The following PITPNM2 variants were observed in gnomAD, a reference collection of about 807,000 sequenced individuals.
PITPNM2 encodes the protein membrane-associated phosphatidylinositol transfer protein 2.
Under a neutral mutation model 132.2 loss-of-function variants are expected in PITPNM2, and 35 were observed. The observed-to-expected ratio is 0.26, with a 90% CI of 0.20 to 0.35. The LOEUF (loss-of-function observed/expected upper bound fraction) is 0.35. PITPNM2 is among the 10% of genes least tolerant of loss of function. The pLI is 1.00. For missense variants in PITPNM2, 1,332 were observed against 1,912.0 expected (o/e 0.70, Z 5.66); for synonymous variants, 738 against 799.2 (o/e 0.92, Z 1.29).
At chr12:123,075,712 G>A (rs1022617596) in intron 2 of PITPNM2, 3 of 152,256 alleles carry the variant, frequency 2.0e-5, no homozygotes, top group African/African-American at 7.2e-5. Context: ...CTCCTTTCAA[G>A]TTAAGTCACC....
rs1034642874 is a variant in PITPNM2, at chr12:123,009,810, G to C, written c.643+40C>G. The C allele has an allele frequency of 3.8e-6, 6 of 1,576,956 alleles. No homozygotes were observed. The Admixed American group carries it at 8.3e-5, about 22-fold the overall frequency. ...CAGGTGACAGGAGACAGAGGGGTTG[G>C]GTAGCCCAGCCACTGCCCACCTGGC... On this transcript the variant is annotated intron_variant, in intron 6 of 25. Transcript: ENST00000320201. This position sits in a 1 kb window ranked among gnomAD's most constrained non-coding sequence, Gnocchi z 4.8.
chr12:123,133,988 CATTACTCTGAAAA>C (rs2043322528), intron 1 of PITPNM2, among the ~76,000 whole-genome samples: 1 of 151,960 alleles, frequency 6.6e-6, no homozygotes, highest in Non-Finnish European at 1.5e-5. Context: ...GCCCCAGCCT[CATTACTCTGAAAA>C]ACATAGAGAC....
rs763254063 is a variant in PITPNM2, at chr12:122,987,836, C to T, written c.3063G>A (p.Thr1021=). The change falls in exon 21 of 26, where the codon ACG becomes ACA. Residue 1021 remains threonine, a synonymous_variant. Coordinates refer to ENST00000320201, the MANE Select transcript of PITPNM2 (RefSeq NM_020845.3). ...LANEDGPQVL[T]GRFMYGPLDM... ...CCAGGGGCCCATACATGAACCTGCC[C>T]GTCAGAACCTGGGGGCCGTCCTCAT... 8 of 1,613,842 alleles carry T rather than the reference C, an allele frequency of 5.0e-6. No individual in the cohort carries two copies. Among genetic ancestry groups the T allele is most frequent in the Middle Eastern group, 1.6e-4 (1 of 6,084 alleles).
Position 122,990,655 on chromosome 12 carries a change from G to C in PITPNM2, c.2459C>G (p.Ser820Trp). 6.2e-7 allele frequency: 1 copy of C among 1,611,908 alleles called. No individual in the cohort carries two copies. Among genetic ancestry groups the C allele is most frequent in the Non-Finnish European group, 8.5e-7 (1 of 1,179,942 alleles). ...AAFQEHGAPS[S>W]PGTAPASRGF... ...ACGACTGGCAGGGGCAGTGCCCGGC[G>C]AGGAGGGGGCGCCATGCTCTTGGAA... The change falls in exon 17 of 26, where the codon TCG becomes TGG. Residue 820 changes from serine to tryptophan, a missense_variant. By Grantham distance (177) the Ser-to-Trp change is radical (BLOSUM62 -3). Around this residue, in one of 6 missense-constraint regions of PITPNM2, gnomAD observed 710 missense variants for 911.5 expected, o/e 0.78. Coordinates refer to ENST00000320201, the MANE Select transcript of PITPNM2 (RefSeq NM_020845.3).
chr12:122,989,102 G>A (rs937745040), intron 18 of PITPNM2, among the ~76,000 whole-genome samples: 8 of 152,208 alleles, frequency 5.3e-5, no homozygotes, highest in African/African-American at 1.4e-4. Flanking sequence ...GGGCTCCTGC[G>A]GTTGCGTGGG....
intron 1 of PITPNM2, among the ~76,000 whole-genome samples, chr12:123,143,514 A>C (rs1024002153): frequency 2.0e-5 from 3 of 152,202 alleles, no homozygotes; most frequent in Non-Finnish European, 4.4e-5. Context: ...CAGGCAAAAG[A>C]CTTGGGAAAG....
rs570997178 is a variant in PITPNM2 at position 123,082,176 on chromosome 12, C to T, written c.-96+28209G>A. Among the ~76,000 whole-genome samples, 3 of 152,330 alleles carry T rather than the reference C, an allele frequency of 2.0e-5. No homozygotes were observed. Among genetic ancestry groups the T allele is most frequent in the South Asian group, 2.1e-4 (1 of 4,824 alleles). On this transcript the variant is annotated intron_variant, in intron 2 of 25. Transcript: ENST00000320201. The surrounding 1 kb of genome is among the most constrained non-coding windows in gnomAD (Gnocchi z 5.4). The stretch of plus-strand genomic sequence containing the variant: ...CAGGCTCTGCCCTGCCACCTCTCCG[C>T]CCTGGCAAGGCCGTGGGCAAGTTCC...
intron 1 of PITPNM2, among the ~76,000 whole-genome samples, chr12:123,127,577 T>C (rs1296581933): frequency 6.6e-6 from 1 of 152,016 alleles, no homozygotes. Flanking sequence ...TGCAACCTCC[T>C]ATCTGAGAGT....
chr12:122,986,651 A>C lies in PITPNM2; in HGVS notation c.3592T>G (p.Ser1198Ala). 6.2e-7 allele frequency: 1 copy of C among 1,612,042 alleles called. No individual in the cohort carries two copies. The highest frequency in any genetic ancestry group is 8.5e-7 in the Non-Finnish European group (1 of 1,179,198). The change falls in exon 24 of 26, where the codon TCC becomes GCC. Residue 1198 changes from serine (S) to alanine (A), a missense_variant. Transcript: ENST00000320201. ...CCCATCCTCCCGGGCCCCACCTCGGAGATGAGCAGCTTCAGGAAGTTGGCC... is the reference window on the plus strand; with the variant it reads ...CCCATCCTCCCGGGCCCCACCTCGGCGATGAGCAGCTTCAGGAAGTTGGCC... ...HKANFLKLLI[S>A]ELHLRVHAAY...
intron 1 of PITPNM2, among the ~76,000 whole-genome samples, chr12:123,115,086 C>A (rs960050212): frequency 6.6e-6 from 1 of 152,180 alleles, no homozygotes; most frequent in African/African-American, 2.4e-5. Flanking sequence ...CACCCGCCCA[C>A]CTCCCTGTAT....
At chr12:122,996,964 G>C in intron 11 of PITPNM2, 54 bp from the exon 12 acceptor site, 16 of 1,458,152 alleles carry the variant, frequency 1.1e-5, no homozygotes, top group Non-Finnish European at 1.5e-5. Flanking sequence ...CAGCCCAAAG[G>C]GCCCCTCTCC....
chr12:123,120,116 G>T (rs1450846212), intron 1 of PITPNM2, among the ~76,000 whole-genome samples: 1 of 152,164 alleles, frequency 6.6e-6, no homozygotes, highest in Non-Finnish European at 1.5e-5. Context: ...CAAAGGCCTG[G>T]CTTTGGTTTT....
At position 122,986,829 on chromosome 12, in the gene PITPNM2, C is replaced by T. The variant is rs1166389578; in HGVS notation, c.3414G>A (p.Arg1138=). ...KVRAGAVDVV[R]HWQDLGYLII... Reference sequence around the variant, plus strand: ...TGAGGTAGCCCAGGTCCTGCCAGTGCCTGGGGGTGAGGTGTCGTCTCATGG... The same window carrying T: ...TGAGGTAGCCCAGGTCCTGCCAGTGTCTGGGGGTGAGGTGTCGTCTCATGG... The change falls in exon 24 of 26, where the codon CGG becomes CGA. Residue 1138 remains arginine, a splice_region_variant and synonymous_variant. Transcript: ENST00000320201. 3 of 1,607,750 alleles carry T rather than the reference C, an allele frequency of 1.9e-6. No homozygotes were observed. The highest frequency in any genetic ancestry group is 1.7e-6 in the Non-Finnish European group (2 of 1,176,906).
intron 2 of PITPNM2, among the ~76,000 whole-genome samples, chr12:123,101,145 T>C (rs1212254648): frequency 6.6e-6 from 1 of 152,358 alleles, no homozygotes; most frequent in South Asian, 2.1e-4. Context: ...GGTTTTCTTA[T>C]TTGTTTTCTT....
rs1347104137 is a variant in PITPNM2 at position 122,996,803 on chromosome 12, G to A, written c.1580C>T (p.Ala527Val). ...GGCTCGCTGAATCACTGTGGCAACT[G>A]CCTCCTGGTACTGGGGGGAGGAGGT... is the stretch of plus-strand genomic sequence containing the variant. ...LATSSPQYQE[A>V]VATVIQRANL... Residue 527 changes from alanine to valine, a missense_variant, in exon 12 of 26, where the codon GCA becomes GTA. Physicochemically the swap from Ala to Val is moderately conservative, Grantham distance 64 (BLOSUM62 0). This residue lies in a region of PITPNM2 where 710 missense variants were observed against 911.5 expected (regional missense o/e 0.78). Coordinates refer to ENST00000320201, the MANE Select transcript of PITPNM2 (RefSeq NM_020845.3). 1 of 1,610,128 alleles carries A rather than the reference G, an allele frequency of 6.2e-7. No individual in the cohort carries two copies. The highest frequency in any genetic ancestry group is 1.1e-5 in the South Asian group (1 of 90,672).
In PITPNM2 at chr12:123,000,748, C is replaced by A. The variant is rs552205842; in HGVS notation, c.1224+30G>T. On this transcript the variant is annotated intron_variant, in intron 10 of 25. Transcript: ENST00000320201. This position sits in a 1 kb window ranked among gnomAD's most constrained non-coding sequence, Gnocchi z 5.4. ...CCCTGCCCCTCCCTTGGCGGCCATG[C>A]CCCTGTCCCTCTGACACCCGGGCAC... is the stretch of plus-strand genomic sequence containing the variant. 2.1e-4 allele frequency: 331 copies of A among 1,611,190 alleles called. 2 individuals are homozygous for A. In the South Asian group the frequency reaches 3.2e-3, roughly 16 times the overall value.
intron 3 of PITPNM2, among the ~76,000 whole-genome samples, chr12:123,027,498 A>G (rs951109247): frequency 6.6e-6 from 1 of 152,202 alleles, no homozygotes; most frequent in African/African-American, 2.4e-5. Context: ...TAGGCCAGCT[A>G]TGCACCCTTG....
rs147952742 is a variant in PITPNM2 at position 123,004,361 on chromosome 12, G to A, written c.1048+33C>T. ...GACCCCTCCCCACCTCGCCCAGGAA[G>A]GCCCCAAGGACTGCAGAGCGCTGCC... On this transcript the variant is annotated intron_variant, in intron 8 of 25. Coordinates refer to ENST00000320201, the MANE Select transcript of PITPNM2 (RefSeq NM_020845.3). The surrounding 1 kb of genome is among the most constrained non-coding windows in gnomAD (Gnocchi z 4.9). 0.02 allele frequency: 31,472 copies of A among 1,607,160 alleles called. 379 individuals are homozygous for A. The highest frequency in any genetic ancestry group is 0.023 in the Non-Finnish European group (26,530 of 1,174,410).
chr12:123,079,756 T>A (rs945231019), intron 2 of PITPNM2, among the ~76,000 whole-genome samples: 1 of 152,202 alleles, frequency 6.6e-6, no homozygotes, highest in African/African-American at 2.4e-5. Flanking sequence ...TTCTTCTCAC[T>A]TTTTTTATTG....
Sources: gnomAD v4.1 joint callset for allele counts (sites outside exome capture counted in the v4.1 genomes callset) on GRCh38, gnomAD v4.1.1 for gene constraint, gnomAD v4.1.1 regional missense constraint, Gnocchi (gnomAD v3.1) non-coding constraint, MANE v1.5 for transcripts, NCBI Gene and HGNC (gene_info 2026-07-23, HGNC 2026-07-21) for gene names.